The following EYA2 variants were observed in gnomAD, a reference collection of about 807,000 sequenced individuals.
EYA2 encodes the protein EYA transcriptional coactivator and phosphatase 2, also known as protein phosphatase EYA2.
Under a neutral mutation model 69.2 loss-of-function variants are expected in EYA2, and 31 were observed. The ratio of observed to expected loss-of-function variants is 0.45; its 90% CI spans 0.34 to 0.60. The LOEUF is 0.60. Among genes scored for constraint, EYA2 ranks in the 20% least tolerant of loss-of-function variants. The pLI is 0.02. For missense variants in EYA2, 622 were observed against 701.2 expected (o/e 0.89, Z 1.28); for synonymous variants, 257 against 279.4 (o/e 0.92, Z 0.80).
At chr20:47,183,441 C>T in intron 15 of EYA2, 50 bp downstream of exon 15, 4 of 1,553,880 alleles carry the variant, frequency 2.6e-6, no homozygotes, top group Non-Finnish European at 3.5e-6. Context: ...TCGAGCACCC[C>T]TCGTGGTCTT....
chr20:47,124,425 T>G (rs1012050510), intron 9 of EYA2, among the ~76,000 whole-genome samples: 2 of 152,224 alleles, frequency 1.3e-5, no homozygotes, highest in Non-Finnish European at 2.9e-5. Context: ...GCTGGTTATG[T>G]AAGATGTTCT....
At chr20:47,041,083 A>C (rs1456619687) in intron 5 of EYA2, among the ~76,000 whole-genome samples, 4 of 152,208 alleles carry the variant, frequency 2.6e-5, no homozygotes, top group African/African-American at 4.8e-5. Context: ...GATAACCAGC[A>C]GGTGGGTGCA....
chr20:47,170,252 T>A (rs2034291251), intron 11 of EYA2, among the ~76,000 whole-genome samples: 2 of 152,072 alleles, frequency 1.3e-5, no homozygotes, highest in South Asian at 4.1e-4. Context: ...AGCCAATACT[T>A]AAGAAACACT....
intron 1 of EYA2, among the ~76,000 whole-genome samples, chr20:46,974,782 T>G (rs926890679): frequency 2.0e-5 from 3 of 151,968 alleles, no homozygotes; most frequent in Non-Finnish European, 4.4e-5. Context: ...ATGAGACATA[T>G]TTTATAAAGT....
chr20:46,974,201 C>A (rs184193052), intron 1 of EYA2, among the ~76,000 whole-genome samples: 1 of 152,162 alleles, frequency 6.6e-6, no homozygotes, highest in Non-Finnish European at 1.5e-5. Context: ...GCTTAGTCTA[C>A]GTGAACTACT....
At chr20:46,899,411 C>A (rs6122533) in intron 1 of EYA2, among the ~76,000 whole-genome samples, 11,637 of 152,194 alleles carry the variant, frequency 0.076, 1,042 homozygotes, top group East Asian at 0.43. Flanking sequence ...GACCCTTAAC[C>A]GGTTGGGTAT....
At chr20:47,162,518 T>C (rs1354246254) in intron 10 of EYA2, among the ~76,000 whole-genome samples, 4 of 29,212 alleles carry the variant, frequency 1.4e-4, no homozygotes, top group East Asian at 6.6e-4. Flanking sequence ...CACATTATCC[T>C]TTTTTTTTTT....
chr20:47,133,969 G>A (rs1330542853), intron 9 of EYA2, among the ~76,000 whole-genome samples: 5 of 152,228 alleles, frequency 3.3e-5, no homozygotes, highest in Admixed American at 3.3e-4. Flanking sequence ...AGTGCATGGT[G>A]TGGCCCAAGG....
chr20:46,938,590 C>T (rs1259603414), intron 1 of EYA2, among the ~76,000 whole-genome samples: 1 of 152,124 alleles, frequency 6.6e-6, no homozygotes, highest in Non-Finnish European at 1.5e-5. Context: ...TAGGCCTCTT[C>T]ATGGGGCTGG....
At chr20:47,077,327 C>G (rs2146482927) in intron 7 of EYA2, among the ~76,000 whole-genome samples, 1 of 152,282 alleles carries the variant, frequency 6.6e-6, no homozygotes, top group Non-Finnish European at 1.5e-5. Flanking sequence ...TTCCCCAGAC[C>G]TGCTATGCAC....
chr20:46,978,968 C>T (rs1188181302), intron 1 of EYA2, among the ~76,000 whole-genome samples: 2 of 152,242 alleles, frequency 1.3e-5, no homozygotes, highest in East Asian at 1.9e-4. Context: ...TGGAGGCTGT[C>T]AGAGACGTCC....
chr20:47,158,172 A>G (rs1286254225), intron 10 of EYA2, among the ~76,000 whole-genome samples: 1 of 151,960 alleles, frequency 6.6e-6, no homozygotes, highest in African/African-American at 2.4e-5. Flanking sequence ...TTGCCTCGTA[A>G]CACACCTGCA....
intron 1 of EYA2, among the ~76,000 whole-genome samples, chr20:46,975,054 G>C (rs1049901187): frequency 2.1e-5 from 3 of 145,358 alleles, no homozygotes; most frequent in African/African-American, 7.4e-5. Flanking sequence ...TAGAGATGGA[G>C]AACAGGTTAG....
chr20:47,119,593 A>G (rs1303776327), intron 9 of EYA2, among the ~76,000 whole-genome samples: 1 of 152,228 alleles, frequency 6.6e-6, no homozygotes, highest in African/African-American at 2.4e-5. Flanking sequence ...TTTATATGAA[A>G]TACCCAGAAG....
intron 9 of EYA2, among the ~76,000 whole-genome samples, chr20:47,137,572 C>T (rs745336720): frequency 9.9e-5 from 15 of 152,184 alleles, no homozygotes; most frequent in Non-Finnish European, 1.8e-4. Context: ...CAGAGGGTTG[C>T]CTCCAAGCTG....
rs1260580730 is a variant in EYA2 at position 47,181,021 on chromosome 20, C to T, written c.1435+85C>T. ...TCCTGGGAATGGGGTGTTTAAGGAA[C>T]ATGACACCACAGAAATGGATGGAGT... On this transcript the variant is annotated intron_variant, in intron 14 of 15. Transcript: ENST00000327619. The T allele has an allele frequency of 8.5e-6, 13 of 1,529,792 alleles. No homozygotes were observed. The Admixed American group carries it at 1.3e-4, about 15-fold the overall frequency. The allele number at this position is 1,529,792 out of a possible 1,614,324, so 94.8% of individuals were successfully genotyped here.
Position 47,180,775 on chromosome 20 carries a change from GTCC to G in EYA2, c.1314-39_1314-37del, listed in dbSNP as rs1568831687. ...CAGCAAGAGGAGGCCTGGCCTTGTG[GTCC>G]CTCTGAGTTCTGATCCACAGTCTCC... On this transcript the variant is annotated intron_variant, in intron 13 of 15. Coordinates refer to ENST00000327619, the MANE Select transcript of EYA2 (RefSeq NM_005244.5). 3.1e-6 allele frequency: 5 copies of G among 1,604,350 alleles called. No individual in the cohort carries two copies. In the South Asian group the frequency reaches 5.6e-5, roughly 18 times the overall value.
intron 1 of EYA2, among the ~76,000 whole-genome samples, chr20:46,955,937 A>G (rs141123977): frequency 5.6e-4 from 85 of 152,358 alleles, no homozygotes; most frequent in African/African-American, 1.9e-3. Context: ...TCATCATAAC[A>G]TGAAAGCAGC....
intron 8 of EYA2, among the ~76,000 whole-genome samples, chr20:47,089,865 G>A (rs570666033): frequency 5.3e-5 from 8 of 152,062 alleles, no homozygotes; most frequent in Middle Eastern, 6.8e-3. Context: ...AGATACCCTG[G>A]CCCCATCCCA....
Sources: allele counts gnomAD v4.1 joint callset (sites outside exome capture counted in the v4.1 genomes callset), GRCh38; gene constraint gnomAD v4.1.1; transcripts MANE v1.5; gene names NCBI Gene and HGNC (gene_info 2026-07-23, HGNC 2026-07-21).